KCNN2: variants seen among roughly 807,000 people sequenced by gnomAD.
KCNN2 encodes the protein potassium calcium-activated channel subfamily N member 2, also known as small conductance calcium-activated potassium channel protein 2.
In KCNN2, 24 loss-of-function variants were observed where a neutral mutation model predicts 55.5. The observed-to-expected ratio is 0.43, with a 90% CI of 0.31 to 0.61. KCNN2 has a LOEUF of 0.61. Among genes scored for constraint, KCNN2 ranks in the 20% least tolerant of loss-of-function variants. KCNN2 has a pLI of 0.08. For synonymous variants in KCNN2, 431 were observed against 336.1 expected, an observed-to-expected ratio of 1.28 and a Z score of -3.09; for missense variants, 754 against 853.6, an observed-to-expected ratio of 0.88 and a Z score of 1.45.
At chr5:114,158,269 C>T (rs1368078316) in intron 1 of KCNN2, among the ~76,000 whole-genome samples, 1 of 152,156 alleles carries the variant, frequency 6.6e-6, no homozygotes, top group Non-Finnish European at 1.5e-5. Context: ...GAATCCTTCC[C>T]CATTGCTTGT....
intron 2 of KCNN2, among the ~76,000 whole-genome samples, chr5:114,227,049 A>T (rs1318925286): frequency 1.3e-5 from 2 of 152,044 alleles, no homozygotes; most frequent in African/African-American, 2.4e-5. Context: ...TATTTTCTTG[A>T]CCACTCAGTC....
intron 3 of KCNN2, among the ~76,000 whole-genome samples, chr5:114,441,668 A>G (rs1192983131): frequency 1.3e-5 from 2 of 152,112 alleles, no homozygotes; most frequent in African/African-American, 2.4e-5. Flanking sequence ...CAAAACAGGG[A>G]CATGTTTGTG....
intron 1 of KCNN2, among the ~76,000 whole-genome samples, chr5:114,066,902 C>A (rs780422769): frequency 4.5e-4 from 68 of 152,270 alleles, no homozygotes; most frequent in Non-Finnish European, 3.1e-4. Context: ...TGAGATCTCA[C>A]ATGACTATCT....
At chr5:114,476,585 A>T (rs539499853) in intron 5 of KCNN2, among the ~76,000 whole-genome samples, 30 of 151,970 alleles carry the variant, frequency 2.0e-4, no homozygotes, top group African/African-American at 6.3e-4. Flanking sequence ...TGCCCAGCTA[A>T]TTTTTTGTAT....
chr5:114,442,866 G>T (rs892605684), intron 3 of KCNN2, among the ~76,000 whole-genome samples: 1 of 152,092 alleles, frequency 6.6e-6, no homozygotes. Flanking sequence ...GGGAAAAGAG[G>T]ACACACAGTA....
At chr5:114,143,288 A>G (rs370016536) in intron 1 of KCNN2, among the ~76,000 whole-genome samples, 2 of 152,218 alleles carry the variant, frequency 1.3e-5, no homozygotes, top group South Asian at 4.1e-4. Context: ...TAGTGTGTGC[A>G]TCAGTAATTT....
intron 2 of KCNN2, among the ~76,000 whole-genome samples, chr5:114,356,312 T>C (rs1425397830): frequency 6.6e-6 from 1 of 152,126 alleles, no homozygotes; most frequent in East Asian, 1.9e-4. Context: ...AATAAACACA[T>C]AAGAAACTAC....
intron 1 of KCNN2, among the ~76,000 whole-genome samples, chr5:114,134,070 G>A (rs895108395): frequency 3.3e-5 from 5 of 152,196 alleles, no homozygotes; most frequent in East Asian, 3.9e-4. Flanking sequence ...ACTGGGCCAC[G>A]GGTATCCCTG....
At chr5:114,316,630 G>C (rs1255865885) in intron 2 of KCNN2, among the ~76,000 whole-genome samples, 1 of 152,080 alleles carries the variant, frequency 6.6e-6, no homozygotes, top group Non-Finnish European at 1.5e-5. Flanking sequence ...CAGGAATAAT[G>C]GTGTATGAAA....
At chr5:114,414,978 C>T (rs1301058802) in intron 3 of KCNN2, among the ~76,000 whole-genome samples, 2 of 152,162 alleles carry the variant, frequency 1.3e-5, no homozygotes, top group Admixed American at 1.3e-4. Context: ...GCAATAAATC[C>T]CTGCTCCCTC....
chr5:114,375,257 C>T (rs1052280935), intron 2 of KCNN2, among the ~76,000 whole-genome samples: 38 of 152,010 alleles, frequency 2.5e-4, no homozygotes, highest in African/African-American at 8.9e-4. Flanking sequence ...GAAATTAAAA[C>T]ATAATAATGA....
At chr5:114,271,135 T>A (rs1225084700) in intron 2 of KCNN2, among the ~76,000 whole-genome samples, 2 of 152,158 alleles carry the variant, frequency 1.3e-5, no homozygotes, top group African/African-American at 4.8e-5. Flanking sequence ...TCCTGCTGAT[T>A]GGTCCGTTTT....
At chr5:114,162,846 T>C (rs946117257) in intron 1 of KCNN2, among the ~76,000 whole-genome samples, 1 of 152,128 alleles carries the variant, frequency 6.6e-6, no homozygotes, top group Non-Finnish European at 1.5e-5. Flanking sequence ...TTAAGTCGGT[T>C]GGAAAAGCGC....
chr5:114,411,474 A>G (rs900703689), intron 3 of KCNN2, among the ~76,000 whole-genome samples: 1 of 152,142 alleles, frequency 6.6e-6, no homozygotes, highest in African/African-American at 2.4e-5. Context: ...GGCTCAGTCC[A>G]AGTCTAAAAG....
At chr5:114,132,043 G>A (rs1047135065) in intron 1 of KCNN2, among the ~76,000 whole-genome samples, 7 of 152,004 alleles carry the variant, frequency 4.6e-5, no homozygotes, top group South Asian at 4.2e-4. Flanking sequence ...TTTGTCAGAC[G>A]GATAGATTGC....
At chr5:114,262,844 T>G (rs896480463) in intron 2 of KCNN2, among the ~76,000 whole-genome samples, 1 of 152,200 alleles carries the variant, frequency 6.6e-6, no homozygotes, top group Non-Finnish European at 1.5e-5. Flanking sequence ...TTGACCTTCC[T>G]GGGCTTCAGT....
At chr5:114,085,813 A>T (rs1181826189) in intron 1 of KCNN2, among the ~76,000 whole-genome samples, 1 of 152,084 alleles carries the variant, frequency 6.6e-6, no homozygotes, top group African/African-American at 2.4e-5. Flanking sequence ...ATCAGTTACT[A>T]AAAAAGAATT....
At chr5:114,198,404 A>G (rs572327147) in intron 1 of KCNN2, among the ~76,000 whole-genome samples, 1 of 150,172 alleles carries the variant, frequency 6.7e-6, no homozygotes, top group African/African-American at 2.4e-5. Context: ...ATGTGTATAT[A>G]TATCCATACA....
chr5:114,476,504 C>T (rs1761973407), intron 5 of KCNN2, among the ~76,000 whole-genome samples: 1 of 151,480 alleles, frequency 6.6e-6, no homozygotes, highest in East Asian at 1.9e-4. Context: ...GCGCAACCTC[C>T]ACCTCCTGGA....
Sources: gnomAD v4.1 joint callset for allele counts (sites outside exome capture counted in the v4.1 genomes callset) on GRCh38, gnomAD v4.1.1 for gene constraint, MANE v1.5 for transcripts, NCBI Gene and HGNC (gene_info 2026-07-23, HGNC 2026-07-21) for gene names.